Variants in LRP1B observed in about 807,000 individuals in gnomAD.
The protein encoded by LRP1B is low-density lipoprotein receptor-related protein 1B.
LRP1B carries 217 observed loss-of-function variants against 556.6 expected under a neutral mutation model. The observed-to-expected ratio is 0.39, with a 90% confidence interval of 0.35 to 0.44. LRP1B has a LOEUF of 0.44. LRP1B is among the 20% of genes least tolerant of loss of function. The probability of loss-of-function intolerance (pLI) is 1.00; values close to 1 mark genes in which losing one functional copy is unlikely to be tolerated. For missense variants in LRP1B, 5,053 were observed against 5,620.8 expected, an observed-to-expected ratio of 0.90 and a Z score of 3.23; for synonymous variants, 2,047 against 1,865.8, an observed-to-expected ratio of 1.10 and a Z score of -2.50.
chr2:140,445,962 GAAAT>G (rs1686641044), intron 63 of LRP1B, among the ~76,000 whole-genome samples: 1 of 151,844 alleles, frequency 6.6e-6, no homozygotes, highest in African/African-American at 2.4e-5. Flanking sequence ...ACTTTTTTGA[GAAAT>G]AAATTATGCT....
chr2:141,607,392 T>C (rs1687954407), intron 2 of LRP1B, among the ~76,000 whole-genome samples: 1 of 152,142 alleles, frequency 6.6e-6, no homozygotes, highest in Admixed American at 6.6e-5. Context: ...AAGCTTTCAG[T>C]AACCTAACAA....
At chr2:141,146,193 G>A (rs919588843) in intron 7 of LRP1B, among the ~76,000 whole-genome samples, 2 of 151,852 alleles carry the variant, frequency 1.3e-5, no homozygotes, top group African/African-American at 4.8e-5. Flanking sequence ...CAAAGTGCTG[G>A]GATTACAGGC....
At chr2:140,318,432 A>G (rs564464969) in intron 82 of LRP1B, among the ~76,000 whole-genome samples, 1 of 152,232 alleles carries the variant, frequency 6.6e-6, no homozygotes, top group South Asian at 2.1e-4. Flanking sequence ...TAGATCGTGG[A>G]TAAGTGTGCA....
intron 25 of LRP1B, among the ~76,000 whole-genome samples, chr2:140,876,037 A>T (rs1693293958): frequency 6.6e-6 from 1 of 152,086 alleles, no homozygotes; most frequent in South Asian, 2.1e-4. Context: ...ATAAAACTCT[A>T]ACAGATGCTC....
rs1689489945 is a variant in LRP1B, at chr2:140,776,136, ACC to A, written c.5460_5461del (p.Val1821SerfsTer7). On this transcript the variant is annotated frameshift_variant, in exon 33 of 91. Coordinates refer to ENST00000389484, the MANE Select transcript of LRP1B (RefSeq NM_018557.3). LOFTEE classifies it high-confidence loss of function. ...TTTATCATAGACTTTCATATGAACT[ACC>A]CCAGAAGTCTTATTCCGTAGGATGG... 2 of 1,574,498 alleles carry A rather than the reference ACC, an allele frequency of 1.3e-6. No homozygotes were observed.
intron 6 of LRP1B, among the ~76,000 whole-genome samples, chr2:141,217,563 C>T (rs1297169310): frequency 6.6e-6 from 1 of 152,108 alleles, no homozygotes; most frequent in Admixed American, 6.6e-5. Context: ...TTGACCTCTA[C>T]CTCTCACCAT....
chr2:140,828,747 G>A lies in LRP1B; in HGVS notation c.5209+11244C>T, dbSNP rs867772545. Reference sequence around the variant, plus strand: ...GGAGCTTGCAGTGAACCGAGATCGCGCCACTGCACTCCAGCCTGGGCGACA... The same window carrying A: ...GGAGCTTGCAGTGAACCGAGATCGCACCACTGCACTCCAGCCTGGGCGACA... On this transcript the variant is annotated intron_variant, in intron 31 of 90. Coordinates refer to ENST00000389484, the MANE Select transcript of LRP1B (RefSeq NM_018557.3). Among the ~76,000 whole-genome samples, 130 of 59,920 alleles carry A rather than the reference G, an allele frequency of 2.2e-3. 30 individuals carry two copies. The highest frequency in any genetic ancestry group is 6.4e-3 in the African/African-American group (122 of 19,112). 39.3% of individuals were successfully genotyped at this position (59,920 alleles called of 152,430 possible).
intron 7 of LRP1B, among the ~76,000 whole-genome samples, chr2:141,181,757 A>G (rs761721232): frequency 6.6e-6 from 1 of 152,080 alleles, no homozygotes; most frequent in South Asian, 2.1e-4. Context: ...ATAGAGATAT[A>G]ATTTATAACT....
chr2:141,621,676 A>T (rs1688508789), intron 2 of LRP1B, among the ~76,000 whole-genome samples: 1 of 152,194 alleles, frequency 6.6e-6, no homozygotes, highest in Non-Finnish European at 1.5e-5. Flanking sequence ...AAATTTATGC[A>T]GGAGGGGAGG....
intron 47 of LRP1B, among the ~76,000 whole-genome samples, chr2:140,530,104 A>C (rs1485846): frequency 0.062 from 9,489 of 152,208 alleles, 584 homozygotes; most frequent in African/African-American, 0.16. Flanking sequence ...TAAATTCAGC[A>C]AAGTATAATA....
intron 2 of LRP1B, among the ~76,000 whole-genome samples, chr2:141,657,493 T>C (rs1690056501): frequency 1.3e-5 from 2 of 152,174 alleles, no homozygotes. Context: ...TGATGATCTA[T>C]TAGAATTTAA....
intron 1 of LRP1B, among the ~76,000 whole-genome samples, chr2:142,002,998 T>C (rs1702701972): frequency 6.6e-6 from 1 of 152,216 alleles, no homozygotes; most frequent in African/African-American, 2.4e-5. Context: ...CACCTTTCTG[T>C]TGAAAGCAAG....
chr2:141,136,216 G>A (rs1298391980), intron 7 of LRP1B, among the ~76,000 whole-genome samples: 1 of 151,900 alleles, frequency 6.6e-6, no homozygotes, highest in Non-Finnish European at 1.5e-5. Flanking sequence ...TGTGCAGAGT[G>A]TGCTGCTGAG....
chr2:141,030,212 T>A (rs1385561034), intron 11 of LRP1B, among the ~76,000 whole-genome samples: 1 of 152,034 alleles, frequency 6.6e-6, no homozygotes, highest in Non-Finnish European at 1.5e-5. Context: ...AAATATGCAG[T>A]CTCAGAATGG....
intron 7 of LRP1B, among the ~76,000 whole-genome samples, chr2:141,068,438 G>A (rs1433926756): frequency 2.0e-5 from 3 of 151,798 alleles, no homozygotes; most frequent in African/African-American, 7.3e-5. Flanking sequence ...GGTCGGACCA[G>A]GTGTGATGTT....
At chr2:141,587,649 T>G (rs1294881291) in intron 2 of LRP1B, among the ~76,000 whole-genome samples, 1 of 152,206 alleles carries the variant, frequency 6.6e-6, no homozygotes, top group East Asian at 1.9e-4. Context: ...TCTTCTCCTT[T>G]CAGGGTAATT....
chr2:141,807,555 A>G (rs1479029425), intron 2 of LRP1B, among the ~76,000 whole-genome samples: 1 of 152,108 alleles, frequency 6.6e-6, no homozygotes, highest in Admixed American at 6.6e-5. Context: ...TTGGAGAGGA[A>G]AGGACTGTAT....
chr2:141,544,384 C>CTTCTT (rs1559131566), intron 2 of LRP1B, among the ~76,000 whole-genome samples: 6 of 40,838 alleles, frequency 1.5e-4, no homozygotes, highest in African/African-American at 4.5e-4. Flanking sequence ...TTCTTCTTCT[C>CTTCTT]CTCCTCCTCC....
At chr2:141,342,004 G>A (rs1424016042) in intron 3 of LRP1B, among the ~76,000 whole-genome samples, 1 of 151,962 alleles carries the variant, frequency 6.6e-6, no homozygotes, top group Admixed American at 6.6e-5. Flanking sequence ...CAGCACTTTG[G>A]GAGGCCGAGG....
Sources: allele counts gnomAD v4.1 joint callset (sites outside exome capture counted in the v4.1 genomes callset), GRCh38; gene constraint gnomAD v4.1.1; transcripts MANE v1.5; gene names NCBI Gene and HGNC (gene_info 2026-07-23, HGNC 2026-07-21).